The following SLIT3 variants were observed in gnomAD, a reference collection of about 807,000 sequenced individuals.
SLIT3 encodes the protein slit guidance ligand 3.
SLIT3 carries 68 observed loss-of-function variants against 184.0 expected under a neutral mutation model. The ratio of observed to expected loss-of-function variants is 0.37; its 90% CI spans 0.30 to 0.45. The LOEUF (loss-of-function observed/expected upper bound fraction) is 0.45. Ranked by LOEUF, SLIT3 falls within the 20% of genes least tolerant of loss-of-function variation. The probability of loss-of-function intolerance (pLI) is 1.00; values close to 1 mark genes in which losing one functional copy is unlikely to be tolerated. For synonymous variants in SLIT3, 831 were observed against 828.6 expected (o/e 1.00, Z -0.05); for missense variants, 1,707 against 2,026.0 (o/e 0.84, Z 3.02).
chr5:169,073,513 G>A (rs1758626700), intron 4 of SLIT3, among the ~76,000 whole-genome samples: 1 of 151,994 alleles, frequency 6.6e-6, no homozygotes, highest in Non-Finnish European at 1.5e-5. Context: ...ATCAGACAAT[G>A]TCAGTGATGT....
chr5:168,910,662 C>T (rs1013518805), intron 4 of SLIT3, among the ~76,000 whole-genome samples: 50 of 150,896 alleles, frequency 3.3e-4, no homozygotes, highest in East Asian at 1.2e-3. Flanking sequence ...AGGAGAATGG[C>T]GTGAACCTGG....
At chr5:169,295,273 G>A (rs1259412888) in intron 1 of SLIT3, among the ~76,000 whole-genome samples, 1 of 152,140 alleles carries the variant, frequency 6.6e-6, no homozygotes, top group Non-Finnish European at 1.5e-5. Flanking sequence ...ACTGTACTGT[G>A]TTAAGCACTT....
At chr5:168,692,492 A>G in intron 29 of SLIT3, 115 bp downstream of exon 29, 1 of 663,170 alleles carries the variant, frequency 1.5e-6, no homozygotes, top group Non-Finnish European at 2.7e-6. Flanking sequence ...AGATGCAGAG[A>G]AGCACATGAG....
At position 168,883,275 on chromosome 5, in the gene SLIT3, C is replaced by T. The variant is rs762163967; in HGVS notation, c.475G>A (p.Val159Met). The T allele has an allele frequency of 2.5e-6, 4 of 1,614,018 alleles. No homozygotes were observed. The Admixed American group carries it at 5.0e-5, about 20-fold the overall frequency. Reference sequence around the variant, plus strand: ...GAAAACATCACTTACAGGTTCTTCACATCGGTGATGCCGCGGAACGCCTTC... The same window carrying T: ...GAAAACATCACTTACAGGTTCTTCATATCGGTGATGCCGCGGAACGCCTTC... ...PRKAFRGITD[V>M]KNLQLDNNHI... Residue 159 changes from valine to methionine, a missense_variant, in exon 5 of 36, where the codon GTG (valine) becomes ATG (methionine). Coordinates refer to ENST00000519560, the MANE Select transcript of SLIT3 (RefSeq NM_003062.4).
chr5:168,845,367 C>T (rs1758423590), intron 5 of SLIT3, among the ~76,000 whole-genome samples: 1 of 152,128 alleles, frequency 6.6e-6, no homozygotes, highest in Non-Finnish European at 1.5e-5. Context: ...CCATCATCAA[C>T]ATTAAAGAAA....
intron 4 of SLIT3, among the ~76,000 whole-genome samples, chr5:168,949,195 C>G (rs540378467): frequency 6.6e-6 from 1 of 152,320 alleles, no homozygotes; most frequent in South Asian, 2.1e-4. Context: ...GCTCTTATCT[C>G]CAGGCAAACC....
intron 1 of SLIT3, chr5:169,263,752 G>A (rs369838461): frequency 1.4e-5 from 7 of 489,162 alleles, no homozygotes; most frequent in Admixed American, 7.5e-5. Flanking sequence ...TCCCTTCCCT[G>A]AACTTCTGAA....
chr5:168,698,402 A>T (rs1251326960), intron 27 of SLIT3, among the ~76,000 whole-genome samples: 8 of 152,164 alleles, frequency 5.3e-5, no homozygotes, highest in Non-Finnish European at 7.4e-5. Context: ...GCAGACACAG[A>T]GAGAGCACTG....
At chr5:168,677,024 C>A (rs1376667532) in intron 32 of SLIT3, among the ~76,000 whole-genome samples, 1 of 152,220 alleles carries the variant, frequency 6.6e-6, no homozygotes, top group Admixed American at 6.5e-5. Context: ...CTGGCTCTTG[C>A]CCTAGACAAA....
At chr5:169,091,760 G>A (rs947518282) in intron 4 of SLIT3, among the ~76,000 whole-genome samples, 4 of 152,298 alleles carry the variant, frequency 2.6e-5, no homozygotes, top group East Asian at 1.9e-4. Context: ...GCAAAGCCTC[G>A]TGGCGAAGCT....
chr5:169,182,443 G>A (rs1448401472), intron 4 of SLIT3, among the ~76,000 whole-genome samples: 1 of 152,194 alleles, frequency 6.6e-6, no homozygotes, highest in Non-Finnish European at 1.5e-5. Flanking sequence ...GGAATTTAAT[G>A]TTCAAATCCA....
intron 4 of SLIT3, among the ~76,000 whole-genome samples, chr5:168,897,602 A>T (rs1232684878): frequency 6.9e-6 from 1 of 144,722 alleles, no homozygotes; most frequent in Non-Finnish European, 1.5e-5. Flanking sequence ...ACAGAGAAAG[A>T]TACGGATGTG....
chr5:168,823,233 G>A, intron 7 of SLIT3, 27 bp downstream of exon 7: 1 of 1,592,700 alleles, frequency 6.3e-7, no homozygotes, highest in Non-Finnish European at 8.6e-7. Context: ...GGAGAAAATG[G>A]GAGAGATGCA....
At chr5:169,077,068 C>T (rs914190504) in intron 4 of SLIT3, among the ~76,000 whole-genome samples, 3 of 152,086 alleles carry the variant, frequency 2.0e-5, no homozygotes, top group Non-Finnish European at 1.5e-5. Context: ...GCTTCTGTCC[C>T]CCTGAGACAG....
intron 4 of SLIT3, among the ~76,000 whole-genome samples, chr5:169,059,270 C>G (rs559013176): frequency 6.6e-5 from 10 of 152,132 alleles, no homozygotes; most frequent in Admixed American, 4.6e-4. Flanking sequence ...CACTGTCCCC[C>G]CTCTAGGAGC....
chr5:168,811,338 CT>C (rs1235435119), intron 8 of SLIT3, among the ~76,000 whole-genome samples: 5 of 152,140 alleles, frequency 3.3e-5, no homozygotes, highest in Non-Finnish European at 7.4e-5. Flanking sequence ...AGGTTCCATT[CT>C]TTTTTTCCCC....
At chr5:168,731,098 G>A (rs528582948) in intron 20 of SLIT3, among the ~76,000 whole-genome samples, 4 of 152,042 alleles carry the variant, frequency 2.6e-5, no homozygotes, top group African/African-American at 9.6e-5. Flanking sequence ...ACTGAAAAAG[G>A]AGACATTACA....
rs1016268227 is a variant in SLIT3, at chr5:168,797,070, T to C, written c.936-1492A>G. Among the ~76,000 whole-genome samples the C allele has an allele frequency of 2.7e-5, 4 of 150,238 alleles. No individual in the cohort carries two copies. In the East Asian group the frequency reaches 7.8e-4, roughly 29 times the overall value. ...TACCCTGCTGGAGGGGGGCGGGGAG[T>C]GCACTTTACCGGGAGCACAGTCACA... On this transcript the variant is annotated intron_variant, in intron 9 of 35. Coordinates refer to ENST00000519560, the MANE Select transcript of SLIT3 (RefSeq NM_003062.4).
chr5:169,131,222 G>A lies in SLIT3; in HGVS notation c.413+62257C>T, dbSNP rs528214582. Among the ~76,000 whole-genome samples, 331 of 152,284 alleles carry A rather than the reference G, an allele frequency of 2.2e-3. 4 individuals carry two copies. The highest frequency in any genetic ancestry group is 7.0e-3 in the African/African-American group (289 of 41,554). On this transcript the variant is annotated intron_variant, in intron 4 of 35. Coordinates refer to ENST00000519560, the MANE Select transcript of SLIT3 (RefSeq NM_003062.4). The stretch of plus-strand genomic sequence containing the variant: ...CACAAGTTAAAATAGTAAAACATAC[G>A]AAAATCTGTTTGGGGATTACTGATT...
Sources: allele counts gnomAD v4.1 joint callset (sites outside exome capture counted in the v4.1 genomes callset), GRCh38; gene constraint gnomAD v4.1.1; transcripts MANE v1.5; gene names NCBI Gene and HGNC (gene_info 2026-07-23, HGNC 2026-07-21).